C11orf65: variants seen among roughly 807,000 people sequenced by gnomAD.
The protein encoded by C11orf65 is chromosome 11 open reading frame 65, also known as protein MFI.
Under a neutral mutation model 35.3 loss-of-function variants are expected in C11orf65, and 38 were observed. The ratio of observed to expected loss-of-function variants is 1.08; its 90% CI spans 0.83 to 1.41. The LOEUF is 1.41. Ranked by LOEUF, C11orf65 falls within the 40% of genes most tolerant of loss-of-function variation. C11orf65 has a pLI of 0.00. For synonymous variants in C11orf65, 105 were observed against 114.4 expected (o/e 0.92, Z 0.53); for missense variants, 370 against 367.1 (o/e 1.01, Z -0.06).
At chr11:108,443,365 CAAT>C (rs928351403) in intron 2 of C11orf65, among the ~76,000 whole-genome samples, 20 of 152,050 alleles carry the variant, frequency 1.3e-4, no homozygotes, top group Non-Finnish European at 2.5e-4. Flanking sequence ...GACTCCCACA[CAAT>C]AATAATAGGA....
At position 108,407,108 on chromosome 11, in the gene C11orf65, G is replaced by A. The variant is rs1222056132; in HGVS notation, c.216C>T (p.Phe72=). 1.9e-6 allele frequency: 3 copies of A among 1,610,512 alleles called. No individual in the cohort carries two copies. Among genetic ancestry groups the A allele is most frequent in the Non-Finnish European group, 2.5e-6 (3 of 1,177,578 alleles). ...LDAAAGIHVR[F]RLGGVKFPPD... Reference sequence around the variant, plus strand: ...CATCCATACTTACTCCACCTAATCTGAATCGCACATGAATGCCAGCAGCAG... The same window carrying A: ...CATCCATACTTACTCCACCTAATCTAAATCGCACATGAATGCCAGCAGCAG... Residue 72 remains phenylalanine, a synonymous_variant, in exon 4 of 9, where the codon TTC becomes TTT. Transcript: ENST00000393084.
intron 2 of C11orf65, among the ~76,000 whole-genome samples, chr11:108,370,892 G>A (rs1345034492): frequency 6.6e-6 from 1 of 152,078 alleles, no homozygotes; most frequent in Non-Finnish European, 1.5e-5. Flanking sequence ...GTGTTTCCAA[G>A]TGGGATTTCC....
At chr11:108,465,258 C>T (rs903419639) in intron 1 of C11orf65, among the ~76,000 whole-genome samples, 1 of 152,132 alleles carries the variant, frequency 6.6e-6, no homozygotes. Context: ...CTGCATACAC[C>T]TGCTTCCTGC....
chr11:108,410,148 G>C (rs968278483), intron 3 of C11orf65, among the ~76,000 whole-genome samples: 2 of 152,086 alleles, frequency 1.3e-5, no homozygotes, highest in East Asian at 1.9e-4. Context: ...CCAAATTTTT[G>C]TAACAATCCC....
At chr11:108,315,407 G>A (rs2084535747) in intron 6 of C11orf65, among the ~76,000 whole-genome samples, 1 of 152,134 alleles carries the variant, frequency 6.6e-6, no homozygotes, top group Admixed American at 6.5e-5. Flanking sequence ...TAATAGATTT[G>A]TGTATATTTT....
intron 3 of C11orf65, among the ~76,000 whole-genome samples, chr11:108,414,383 A>G (rs987506065): frequency 6.6e-6 from 1 of 152,042 alleles, no homozygotes; most frequent in Non-Finnish European, 1.5e-5. Context: ...GGTCATCATT[A>G]CTGATTGCAT....
At position 108,309,461 on chromosome 11, in the gene C11orf65, A is replaced by G. The variant is rs903975740; in HGVS notation, c.641-390T>C. On this transcript the variant is annotated intron_variant, in intron 6 of 6. Transcript: ENST00000525729. Reference sequence around the variant, plus strand: ...TGTTCCAGCATTTGCAAGTAAGGAAACTAGGAAACTGAGGTTTAAGAAGTT... The same window carrying G: ...TGTTCCAGCATTTGCAAGTAAGGAAGCTAGGAAACTGAGGTTTAAGAAGTT... Among the ~76,000 whole-genome samples the G allele has an allele frequency of 2.6e-5, 4 of 152,204 alleles. No individual in the cohort carries two copies. The East Asian group carries it at 5.8e-4, about 22-fold the overall frequency.
intron 8 of C11orf65, among the ~76,000 whole-genome samples, chr11:108,384,455 C>A (rs186571309): frequency 6.6e-6 from 1 of 152,074 alleles, no homozygotes; most frequent in Admixed American, 6.6e-5. Context: ...GTGAAGAAAC[C>A]GAGCTAGTAA....
At chr11:108,333,079 T>C (rs1466162530) in intron 3 of C11orf65, among the ~76,000 whole-genome samples, 1 of 152,194 alleles carries the variant, frequency 6.6e-6, no homozygotes, top group East Asian at 1.9e-4. Context: ...TATCTCTTAA[T>C]AGAACTGGTA....
exon 4 of C11orf65, chr11:108,331,433 T>A: frequency 6.2e-7 from 1 of 1,611,614 alleles, no homozygotes; most frequent in Non-Finnish European, 8.5e-7. Context: ...GTGTCTTTTT[T>A]TTAATGGTAG....
rs2091228238 is a variant in C11orf65, at chr11:108,365,305, C to G, written c.226+27903G>C. 2 of 1,614,134 alleles carry G rather than the reference C, an allele frequency of 1.2e-6. No individual in the cohort carries two copies. The highest frequency in any genetic ancestry group is 1.7e-6 in the Non-Finnish European group (2 of 1,180,012). On this transcript the variant is annotated intron_variant, in intron 2 of 3. Transcript: ENST00000524755. ...TTTAAACTGTTCACCTCACTGAAAC[C>G]TTTGTGTTTTTGTCCTTAGTGATAT...
At chr11:108,396,019 CTG>C (rs1335510992) in intron 6 of C11orf65, among the ~76,000 whole-genome samples, 6 of 152,138 alleles carry the variant, frequency 3.9e-5, no homozygotes, top group Non-Finnish European at 1.5e-5. Context: ...TAGGCTGACA[CTG>C]TTATCGGGTG....
chr11:108,407,248 T>G, intron 3 of C11orf65, 99 bp from the exon 4 acceptor site: 2 of 878,166 alleles, frequency 2.3e-6, no homozygotes, highest in South Asian at 2.3e-5. Flanking sequence ...TTGCTAAATA[T>G]TGACTATTTA....
downstream of C11orf65, among the ~76,000 whole-genome samples, chr11:108,379,911 G>A (rs1282492246): frequency 1.3e-5 from 2 of 152,136 alleles, no homozygotes; most frequent in Non-Finnish European, 2.9e-5. Context: ...CAGATTTCAT[G>A]GGGGAAGTTT....
At chr11:108,469,780 G>GTCATT (rs1228288622), upstream of C11orf65, among the ~76,000 whole-genome samples, 6 of 151,982 alleles carry the variant, frequency 3.9e-5, no homozygotes, top group Admixed American at 3.9e-4. Context: ...ACTAGAAACT[G>GTCATT]TCAAGTGTTA....
At chr11:108,342,288 T>C (rs2087680260) in intron 2 of C11orf65, among the ~76,000 whole-genome samples, 1 of 152,214 alleles carries the variant, frequency 6.6e-6, no homozygotes, top group African/African-American at 2.4e-5. Context: ...AATGTAAATG[T>C]TAATATGCAG....
chr11:108,320,876 T>C (rs2085153578), intron 6 of C11orf65, among the ~76,000 whole-genome samples: 1 of 151,996 alleles, frequency 6.6e-6, no homozygotes, highest in South Asian at 2.1e-4. Flanking sequence ...TTAACACATA[T>C]TTTGTATAAG....
chr11:108,460,782 A>G (rs1221434328), intron 2 of C11orf65, among the ~76,000 whole-genome samples: 5 of 151,990 alleles, frequency 3.3e-5, no homozygotes, highest in Non-Finnish European at 7.4e-5. Context: ...CTGAAGTGCA[A>G]TGGCGTGATC....
At chr11:108,320,093 AT>A (rs1395433660) in intron 6 of C11orf65, 1 of 1,425,646 alleles carries the variant, frequency 7.0e-7, no homozygotes. Context: ...GTATTTTAAC[AT>A]TTAATGTCAT....
Sources: gnomAD v4.1 joint callset for allele counts (sites outside exome capture counted in the v4.1 genomes callset) on GRCh38, gnomAD v4.1.1 for gene constraint, MANE v1.5 for transcripts, NCBI Gene and HGNC (gene_info 2026-07-23, HGNC 2026-07-21) for gene names.